VTI1A: variants seen among roughly 807,000 people sequenced by gnomAD.
The protein encoded by VTI1A is vesicle transport through interaction with t-SNAREs homolog 1A.
A neutral mutation model predicts 34.9 loss-of-function variants in VTI1A; 22 were observed. The ratio of observed to expected loss-of-function variants is 0.63; its 90% CI spans 0.45 to 0.90. The LOEUF is 0.90. Ranked by LOEUF, VTI1A falls within the 40% of genes least tolerant of loss-of-function variation. The pLI is 0.00. For synonymous variants in VTI1A, 87 were observed against 97.3 expected (o/e 0.89, Z 0.62); for missense variants, 268 against 275.6 (o/e 0.97, Z 0.20).
At chr10:112,495,196 CTTTTTTTTTTTTTTT>C (rs751870581) in intron 3 of VTI1A, among the ~76,000 whole-genome samples, 1 of 79,054 alleles carries the variant, frequency 1.3e-5, no homozygotes, top group African/African-American at 5.0e-5. Context: ...CAGTAATGGT[CTTTTTTTTTTTTTTT>C]TTTTTTTTTA....
At chr10:112,597,632 A>G (rs1392162260) in intron 5 of VTI1A, among the ~76,000 whole-genome samples, 40 of 148,882 alleles carry the variant, frequency 2.7e-4, no homozygotes, top group Admixed American at 1.3e-4. Flanking sequence ...GCAGTGAGCT[A>G]TGATTGCACC....
intron 3 of VTI1A, among the ~76,000 whole-genome samples, chr10:112,479,218 G>A (rs1848383629): frequency 1.3e-5 from 2 of 152,094 alleles, no homozygotes; most frequent in Admixed American, 1.3e-4. Context: ...GCCGGACACT[G>A]GCCTAATATA....
chr10:112,501,141 G>C (rs967475575), intron 3 of VTI1A, among the ~76,000 whole-genome samples: 4 of 152,092 alleles, frequency 2.6e-5, no homozygotes, highest in Non-Finnish European at 4.4e-5. Context: ...ACAATGTCTG[G>C]CATACACAGC....
At chr10:112,464,227 A>G (rs1027431539) in intron 2 of VTI1A, among the ~76,000 whole-genome samples, 4 of 152,176 alleles carry the variant, frequency 2.6e-5, no homozygotes, top group Non-Finnish European at 4.4e-5. Flanking sequence ...CAAACTCCTG[A>G]CCTCAAGTGA....
chr10:112,480,830 C>T (rs1270597219), intron 3 of VTI1A, among the ~76,000 whole-genome samples: 6 of 152,118 alleles, frequency 3.9e-5, no homozygotes, highest in East Asian at 3.9e-4. Flanking sequence ...TTCTGATGCC[C>T]AGCTCCCACT....
At chr10:112,802,681 C>T (rs1265798916) in intron 7 of VTI1A, among the ~76,000 whole-genome samples, 4 of 152,152 alleles carry the variant, frequency 2.6e-5, no homozygotes, top group Non-Finnish European at 5.9e-5. Flanking sequence ...ATTTTCTAGC[C>T]CCATGCTTTA....
chr10:112,496,196 C>CA (rs1163340436), intron 3 of VTI1A, among the ~76,000 whole-genome samples: 2 of 122,494 alleles, frequency 1.6e-5, no homozygotes, highest in Non-Finnish European at 3.5e-5. Flanking sequence ...CCCCCCCCCC[C>CA]CCCCCGCCGT....
the VTI1A span, among the ~76,000 whole-genome samples, chr10:112,836,124 G>A: frequency 3.3e-5 from 5 of 152,192 alleles, no homozygotes; most frequent in African/African-American, 4.8e-5. Flanking sequence ...TCCTCTTCCC[G>A]GGTGAGGTTT....
At chr10:112,666,125 G>T (rs11196046) in intron 5 of VTI1A, among the ~76,000 whole-genome samples, 29,235 of 151,994 alleles carry the variant, frequency 0.19, 3,273 homozygotes, top group East Asian at 0.42. Flanking sequence ...TTCAACTTCA[G>T]TTGTTTCCTC....
chr10:112,813,998 T>TCA (rs1365272024), intron 7 of VTI1A, among the ~76,000 whole-genome samples: 1 of 152,190 alleles, frequency 6.6e-6, no homozygotes, highest in Non-Finnish European at 1.5e-5. Context: ...GTTGGTCTGA[T>TCA]AAGACAGTTT....
intron 7 of VTI1A, among the ~76,000 whole-genome samples, chr10:112,685,614 A>G (rs937489953): frequency 2.6e-5 from 4 of 152,210 alleles, no homozygotes; most frequent in African/African-American, 9.6e-5. Context: ...TCTTTAGTTC[A>G]TAAGTTTCAG....
At chr10:112,447,104 G>A (rs574469129), upstream of VTI1A, 1 of 481,900 alleles carries the variant, frequency 2.1e-6, no homozygotes. Flanking sequence ...CGCTTTTCTG[G>A]GGGGAGGCAC....
At chr10:112,720,957 T>A (rs1564898779) in intron 7 of VTI1A, among the ~76,000 whole-genome samples, 2 of 148,254 alleles carry the variant, frequency 1.3e-5, no homozygotes, top group African/African-American at 4.9e-5. Flanking sequence ...CTCACTGATT[T>A]AAAAAAAAAA....
At chr10:112,504,696 A>G (rs1391014017) in intron 3 of VTI1A, among the ~76,000 whole-genome samples, 2 of 152,208 alleles carry the variant, frequency 1.3e-5, no homozygotes, top group Non-Finnish European at 2.9e-5. Flanking sequence ...AATACTGATC[A>G]TTCTTTCATA....
intron 3 of VTI1A, among the ~76,000 whole-genome samples, chr10:112,474,092 C>T (rs186910313): frequency 9.2e-5 from 14 of 151,440 alleles, no homozygotes; most frequent in Middle Eastern, 6.8e-3. Context: ...GATGGAGTCT[C>T]GCTCTGTCGC....
intron 4 of VTI1A, among the ~76,000 whole-genome samples, chr10:112,528,994 C>T (rs1303713459): frequency 2.0e-5 from 3 of 151,988 alleles, no homozygotes; most frequent in Non-Finnish European, 4.4e-5. Context: ...AGATTGAGTT[C>T]ATATTTTCTG....
At chr10:112,675,169 A>G (rs948796415) in intron 7 of VTI1A, among the ~76,000 whole-genome samples, 1 of 152,204 alleles carries the variant, frequency 6.6e-6, no homozygotes, top group Non-Finnish European at 1.5e-5. Context: ...AAAAACTGCT[A>G]CTTATGCACT....
intron 7 of VTI1A, among the ~76,000 whole-genome samples, chr10:112,785,064 T>C (rs1331015342): frequency 6.6e-6 from 1 of 152,206 alleles, no homozygotes; most frequent in Non-Finnish European, 1.5e-5. Flanking sequence ...TTTTCATTGT[T>C]CTCTACTGTA....
At chr10:112,612,148 G>A (rs187337443) in intron 5 of VTI1A, among the ~76,000 whole-genome samples, 297 of 152,138 alleles carry the variant, frequency 2.0e-3, no homozygotes, top group Admixed American at 6.4e-3. Context: ...GAAAACTGAG[G>A]TATCAGGATT....
Sources: allele counts gnomAD v4.1 joint callset (sites outside exome capture counted in the v4.1 genomes callset), GRCh38; gene constraint gnomAD v4.1.1; transcripts MANE v1.5; gene names NCBI Gene and HGNC (gene_info 2026-07-23, HGNC 2026-07-21).